Variants in CYP46A1 observed in about 807,000 individuals in gnomAD.
CYP46A1 encodes cytochrome P450 family 46 subfamily A member 1.
Under a neutral mutation model 63.3 loss-of-function variants are expected in CYP46A1, and 20 were observed. The observed-to-expected ratio is 0.32, with a 90% CI of 0.22 to 0.46. The LOEUF is 0.46. CYP46A1 is among the 20% of genes least tolerant of loss of function. The pLI, the probability that CYP46A1 is intolerant of heterozygous loss-of-function variation, is 1.00. For missense variants in CYP46A1, 445 were observed against 670.8 expected, an observed-to-expected ratio of 0.66 and a Z score of 3.72; for synonymous variants, 268 against 273.6, an observed-to-expected ratio of 0.98 and a Z score of 0.20.
intron 6 of CYP46A1, among the ~76,000 whole-genome samples, chr14:99,707,083 G>T (rs1013309681): frequency 2.6e-5 from 4 of 152,272 alleles, no homozygotes; most frequent in Non-Finnish European, 5.9e-5. Flanking sequence ...CAGCCCAAAG[G>T]CTGCCTTCCC....
chr14:99,709,835 A>G (rs997859388), intron 7 of CYP46A1: 23 of 152,230 alleles, frequency 1.5e-4, no homozygotes, highest in African/African-American at 5.5e-4. Flanking sequence ...AAAAACAGCA[A>G]GAGAGAAGCA....
intron 7 of CYP46A1, chr14:99,711,377 TAAAATC>T (rs1303416681): frequency 3.3e-5 from 5 of 151,372 alleles, no homozygotes; most frequent in Non-Finnish European, 7.4e-5. Flanking sequence ...TTGGAAAAGA[TAAAATC>T]AATAAACCAA....
rs373000472 is a variant in CYP46A1, at chr14:99,727,093, C to T, written c.*366C>T. 5.3e-5 allele frequency: 13 copies of T among 243,362 alleles called. No individual in the cohort carries two copies. The highest frequency in any genetic ancestry group is 5.3e-4 in the East Asian group (7 of 13,314). 15.1% of individuals were successfully genotyped at this position (243,362 alleles called of 1,614,324 possible). A position where few individuals can be genotyped will look rare whatever the true frequency, so the allele number is the denominator to read the frequency against. ...CCTTGCCACCCCCCGCCGGCAGGGG[C>T]CCCTCCTCTGTGCTCCCTCGGTCAC... On this transcript the variant is annotated 3_prime_UTR_variant, in exon 15 of 15. Transcript: ENST00000261835.
intron 1 of CYP46A1, among the ~76,000 whole-genome samples, chr14:99,686,883 CTG>C (rs1463138681): frequency 4.6e-5 from 7 of 152,316 alleles, no homozygotes; most frequent in African/African-American, 1.4e-4. Context: ...AAATATAAAA[CTG>C]CACTAAATGA....
At chr14:99,695,841 G>A (rs1018958054) in intron 3 of CYP46A1, among the ~76,000 whole-genome samples, 2 of 152,126 alleles carry the variant, frequency 1.3e-5, no homozygotes, top group African/African-American at 4.8e-5. Context: ...ATGTTGGCCA[G>A]TCTAGTCTTG....
intron 8 of CYP46A1, 86 bp downstream of exon 8, chr14:99,716,046 C>T: frequency 6.2e-7 from 1 of 1,610,220 alleles, no homozygotes; most frequent in Non-Finnish European, 8.5e-7. Context: ...CTCTGTTTGG[C>T]TTAAGAGGAG....
chr14:99,725,296 C>T lies in CYP46A1; in HGVS notation c.1177-95C>T, dbSNP rs1307218528. On this transcript the variant is annotated intron_variant, in intron 12 of 14. Coordinates refer to ENST00000261835, the MANE Select transcript of CYP46A1 (RefSeq NM_006668.2). This position sits in a 1 kb window ranked among gnomAD's most constrained non-coding sequence, Gnocchi z 4.2. ...TGGGGGGAGGAGAGTGGGACCCACT[C>T]TGCTCTGAGTAGCCCTGTTGGGTGG... 5.4e-6 allele frequency: 5 copies of T among 930,576 alleles called. No individual in the cohort carries two copies. In the East Asian group the frequency reaches 1.2e-4, roughly 22 times the overall value. 57.6% of individuals were successfully genotyped at this position (930,576 alleles called of 1,614,324 possible).
chr14:99,685,281 CCCCAGCCTTTCTTCT>C (rs2056483094), intron 1 of CYP46A1, among the ~76,000 whole-genome samples: 1 of 148,528 alleles, frequency 6.7e-6, no homozygotes, highest in Non-Finnish European at 1.5e-5. Flanking sequence ...TCACTACTGC[CCCCAGCCTTTCTTCT>C]CCCAGCCTCC....
chr14:99,691,913 G>A (rs995361187), intron 3 of CYP46A1, 52 bp downstream of exon 3: 7 of 1,573,022 alleles, frequency 4.5e-6, no homozygotes, highest in Non-Finnish European at 5.2e-6. Flanking sequence ...TCCTTGGGTT[G>A]GGGGAGTGAA....
Position 99,715,849 on chromosome 14 carries a change from G to A in CYP46A1, c.733G>A (p.Glu245Lys), listed in dbSNP as rs1311555924. ...GAGGAAGCAGCTCCGGGAGGTCCGGGAGAGCATTCGCTTCCTGCGCCAGGT... is the reference window on the plus strand; with the variant it reads ...GAGGAAGCAGCTCCGGGAGGTCCGGAAGAGCATTCGCTTCCTGCGCCAGGT... ...GKRKQLREVR[E>K]SIRFLRQVGR... is the part of the protein sequence containing the mutation. The change falls in exon 8 of 15, where the codon GAG becomes AAG. Residue 245 changes from glutamate (E) to lysine (K), a missense_variant. Glu to Lys is a moderately conservative substitution (Grantham distance 56). Around this residue, in one of 4 missense-constraint regions of CYP46A1, gnomAD observed 252 missense variants for 383.3 expected, o/e 0.66. Transcript: ENST00000261835. 2 of 1,614,144 alleles carry A rather than the reference G, an allele frequency of 1.2e-6. No individual in the cohort carries two copies. The highest frequency in any genetic ancestry group is 1.7e-6 in the Non-Finnish European group (2 of 1,180,016).
At chr14:99,716,318 G>T (rs2056790103) in intron 9 of CYP46A1, 119 bp downstream of exon 9, 2 of 1,028,184 alleles carry the variant, frequency 1.9e-6, no homozygotes, top group Non-Finnish European at 3.0e-6. Context: ...CTCACCGCAG[G>T]GCTAGGGGGC....
In CYP46A1 at chr14:99,706,736, T is replaced by C; in HGVS notation, c.533T>C (p.Val178Ala). Reference sequence around the variant, plus strand: ...GCCAAGGCAGATGGGCAGACCCCAGTGTCCATGCAGGACATGCTGACCTAC... The same window carrying C: ...GCCAAGGCAGATGGGCAGACCCCAGCGTCCATGCAGGACATGCTGACCTAC... ...LEAKADGQTP[V>A]SMQDMLTYTA... The change falls in exon 6 of 15, where the codon GTG becomes GCG. Residue 178 changes from valine (V) to alanine (A), a missense_variant. Val to Ala is a moderately conservative substitution (Grantham distance 64, BLOSUM62 0). Coordinates refer to ENST00000261835, the MANE Select transcript of CYP46A1 (RefSeq NM_006668.2). The C allele has an allele frequency of 6.2e-7, 1 of 1,613,620 alleles. No homozygotes were observed. The highest frequency in any genetic ancestry group is 8.5e-7 in the Non-Finnish European group (1 of 1,179,970).
Position 99,726,792 on chromosome 14 carries a change from C to T in CYP46A1, c.*65C>T, listed in dbSNP as rs377757226. The T allele has an allele frequency of 3.9e-5, 51 of 1,322,454 alleles. No individual in the cohort carries two copies. The East Asian group carries it at 4.7e-4, about 12-fold the overall frequency. The allele number at this position is 1,322,454 out of a possible 1,614,324, so 81.9% of individuals were successfully genotyped here. Reference sequence around the variant, plus strand: ...CGTGCCCGCCCACCTCTGCTGCCCACGGCCACCCACCCTTCTCCCCTGCCC... The same window carrying T: ...CGTGCCCGCCCACCTCTGCTGCCCATGGCCACCCACCCTTCTCCCCTGCCC... On this transcript the variant is annotated 3_prime_UTR_variant, in exon 15 of 15. Coordinates refer to ENST00000261835, the MANE Select transcript of CYP46A1 (RefSeq NM_006668.2).
intron 3 of CYP46A1, among the ~76,000 whole-genome samples, chr14:99,699,250 GGAAAATCA>G (rs917648197): frequency 1.3e-5 from 2 of 152,148 alleles, no homozygotes; most frequent in Non-Finnish European, 2.9e-5. Context: ...TACGTCCACA[GGAAAATCA>G]CTTCGCCCCT....
At chr14:99,714,772 A>AT in intron 7 of CYP46A1, among the ~76,000 whole-genome samples, 1 of 151,886 alleles carries the variant, frequency 6.6e-6, no homozygotes, top group East Asian at 1.9e-4. Context: ...AAAAAAAAAA[A>AT]AAAAGAAAAG....
intron 9 of CYP46A1, among the ~76,000 whole-genome samples, chr14:99,716,720 A>G (rs1301380571): frequency 2.6e-5 from 4 of 152,128 alleles, no homozygotes; most frequent in Non-Finnish European, 5.9e-5. Context: ...CTGTTTATTT[A>G]TTTGTGGTAA....
At chr14:99,723,028 G>A in intron 12 of CYP46A1, 1 of 381,504 alleles carries the variant, frequency 2.6e-6, no homozygotes, top group Admixed American at 2.7e-5. Context: ...CAGTAGTGGT[G>A]AGAGAGAGCA....
intron 5 of CYP46A1, 81 bp from the exon 6 acceptor site, chr14:99,706,566 T>C: frequency 6.4e-7 from 1 of 1,569,370 alleles, no homozygotes; most frequent in Non-Finnish European, 8.7e-7. Context: ...CACAGTATCC[T>C]CTCTGTGGAG....
At chr14:99,691,195 C>G (rs1442118073) in intron 2 of CYP46A1, 34 bp downstream of exon 2, 2 of 1,609,512 alleles carry the variant, frequency 1.2e-6, no homozygotes, top group Non-Finnish European at 1.7e-6. Flanking sequence ...TGCCCTTACT[C>G]CAGGTTCCCT....
Sources: gnomAD v4.1 joint callset for allele counts (sites outside exome capture counted in the v4.1 genomes callset) on GRCh38, gnomAD v4.1.1 for gene constraint, gnomAD v4.1.1 regional missense constraint, Gnocchi (gnomAD v3.1) non-coding constraint, MANE v1.5 for transcripts, NCBI Gene and HGNC (gene_info 2026-07-23, HGNC 2026-07-21) for gene names.